The following ERI2 variants were observed in gnomAD, a reference collection of about 807,000 sequenced individuals.
ERI2 encodes the protein ERI1 exoribonuclease 2.
A neutral mutation model predicts 46.8 loss-of-function variants in ERI2; 35 were observed. The observed-to-expected ratio is 0.75, with a 90% CI of 0.57 to 0.99. The LOEUF (loss-of-function observed/expected upper bound fraction) is 0.99, where lower values mean the gene tolerates loss of function less well. Among genes scored for constraint, ERI2 ranks in the 50% least tolerant of loss-of-function variants. The pLI, the probability that ERI2 is intolerant of heterozygous loss-of-function variation, is 0.00. For synonymous variants in ERI2, 224 were observed against 271.0 expected (o/e 0.83, Z 1.70); for missense variants, 695 against 796.2 (o/e 0.87, Z 1.53).
rs946658353 is a variant in ERI2 at position 20,798,042 on chromosome 16, T to A, written c.1758A>T (p.Pro586=). Residue 586 remains proline, a synonymous_variant, in exon 9 of 9, where the codon CCA becomes CCT. Transcript: ENST00000357967. ...ILTSTVNLQE[P]WKSGKMTPPL... ...GAGGTGTCATTTTCCCACTCTTCCATGGCTCTTGTAGGTTAACTGTAGAAG... is the reference window on the plus strand; with the variant it reads ...GAGGTGTCATTTTCCCACTCTTCCAAGGCTCTTGTAGGTTAACTGTAGAAG... The A allele has an allele frequency of 1.3e-6, 2 of 1,551,680 alleles. No homozygotes were observed. The highest frequency in any genetic ancestry group is 2.7e-5 in the African/African-American group (2 of 73,048).
chr16:20,781,108 T>C, intron 10 of ERI2: 1 of 1,614,080 alleles, frequency 6.2e-7, no homozygotes. Flanking sequence ...TTACCCCGTT[T>C]TGAGCCGACT....
rs377118725 is a variant in ERI2, at chr16:20,789,522, T to G, written c.851A>C (p.Asn284Thr). ...ATTCCCCTTTTCCTGTTTACTCATATTGGGCTTCTGAAGTAAGGTTCTGTA... is the reference window on the plus strand; with the variant it reads ...ATTCCCCTTTTCCTGTTTACTCATAGTGGGCTTCTGAAGTAAGGTTCTGTA... Residue 284 changes from asparagine (N) to threonine (T), a missense_variant, in exon 10 of 11, where the codon AAT becomes ACT. Physicochemically the swap from Asn to Thr is moderately conservative, Grantham distance 65. Coordinates refer to the ERI2 transcript ENST00000300005. 9.9e-6 allele frequency: 16 copies of G among 1,613,794 alleles called. No homozygotes were observed. In the African/African-American group the frequency reaches 2.0e-4, roughly 20 times the overall value.
At position 20,796,935 on chromosome 16, in the gene ERI2, G is replaced by A; in HGVS notation, c.*789C>T. 1 of 1,612,906 alleles carries A rather than the reference G, an allele frequency of 6.2e-7. No individual in the cohort carries two copies. Among genetic ancestry groups the A allele is most frequent in the Non-Finnish European group, 8.5e-7 (1 of 1,179,466 alleles). Reference sequence around the variant, plus strand: ...AAGACTATCAGTGGGAAGACAAAAAGAAATGAACTGAGGAAGAAAGAATGG... The same window carrying A: ...AAGACTATCAGTGGGAAGACAAAAAAAAATGAACTGAGGAAGAAAGAATGG... On this transcript the variant is annotated 3_prime_UTR_variant, in exon 9 of 9. Coordinates refer to ENST00000357967, the MANE Select transcript of ERI2 (RefSeq NM_001142725.2).
downstream of ERI2, chr16:20,792,786 T>C: frequency 3.6e-6 from 3 of 826,098 alleles, no homozygotes; most frequent in Non-Finnish European, 4.4e-6. Context: ...CCATAAGCAG[T>C]CTTGGTAGGT....
chr16:20,786,180 A>G, intron 10 of ERI2: 1 of 1,607,674 alleles, frequency 6.2e-7, no homozygotes, highest in South Asian at 1.1e-5. Context: ...CCCTTCCAGG[A>G]GAATGTTTAA....
intron 4 of ERI2, among the ~76,000 whole-genome samples, 182 bp downstream of exon 4, chr16:20,802,614 T>C (rs2080808538): frequency 6.6e-6 from 1 of 151,442 alleles, no homozygotes; most frequent in East Asian, 1.9e-4. Flanking sequence ...GTTCTCACTA[T>C]GTTGTCTAGG....
In ERI2 at chr16:20,797,013, T is replaced by TA; in HGVS notation, c.*710dup. 1 of 1,598,598 alleles carries TA rather than the reference T, an allele frequency of 6.3e-7. No homozygotes were observed. Among genetic ancestry groups the TA allele is most frequent in the African/African-American group, 1.3e-5 (1 of 74,130 alleles). Reference sequence around the variant, plus strand: ...TACCATATCTATAAAACAAACATAGTATCTGTCAATCTCTAGAAACCACAA... The same window carrying TA: ...TACCATATCTATAAAACAAACATAGTAATCTGTCAATCTCTAGAAACCACAA... On this transcript the variant is annotated 3_prime_UTR_variant, in exon 9 of 9. Transcript: ENST00000357967.
rs2080333939 is a variant in ERI2 at position 20,780,746 on chromosome 16, C to T, written c.895-12G>A. ...AGTGACAGCCACACCTGTGTGAAGA[C>T]AAAACACAATGAGATCATGGCCATA... On this transcript the variant is annotated splice_polypyrimidine_tract_variant and intron_variant, in intron 10 of 10. Coordinates refer to the ERI2 transcript ENST00000300005. 4.3e-6 allele frequency: 7 copies of T among 1,614,118 alleles called. No individual in the cohort carries two copies. In the East Asian group the frequency reaches 1.1e-4, roughly 26 times the overall value.
exon 10 of ERI2, chr16:20,789,520 T>A: frequency 6.2e-7 from 1 of 1,613,898 alleles, no homozygotes; most frequent in South Asian, 1.1e-5. Context: ...TGTTTACTCA[T>A]ATTGGGCTTC....
chr16:20,800,278 C>T (rs773079470), intron 6 of ERI2, 24 bp downstream of exon 6: 33 of 1,495,270 alleles, frequency 2.2e-5, no homozygotes, highest in Non-Finnish European at 2.8e-5. Context: ...AAAAAGTAAA[C>T]ATGCCCCCAT....
At chr16:20,789,613 T>C (rs1353056887) in intron 9 of ERI2, 2 of 1,226,298 alleles carry the variant, frequency 1.6e-6, no homozygotes, top group East Asian at 2.3e-5. Flanking sequence ...GAGGAAAAGA[T>C]AATCAAGACC....
At position 20,798,128 on chromosome 16, in the gene ERI2, T is replaced by C; in HGVS notation, c.1672A>G (p.Thr558Ala). 1 of 1,551,532 alleles carries C rather than the reference T, an allele frequency of 6.4e-7. No individual in the cohort carries two copies. The highest frequency in any genetic ancestry group is 8.7e-7 in the Non-Finnish European group (1 of 1,146,902). ...QPFTIHEEKPTSSDCSPVRSS... is the reference protein window; with the variant it reads ...QPFTIHEEKPASSDCSPVRSS... ...CTTACTGGGGAGCAATCAGATGATG[T>C]AGGCTTTTCTTCATGAATAGTGAAG... The change falls in exon 9 of 9, where the codon ACA becomes GCA. Residue 558 changes from threonine (T) to alanine (A), a missense_variant. Physicochemically the swap from Thr to Ala is moderately conservative, Grantham distance 58. Transcript: ENST00000357967.
intron 10 of ERI2, among the ~76,000 whole-genome samples, chr16:20,788,078 C>T (rs886970247): frequency 2.6e-5 from 4 of 152,036 alleles, no homozygotes; most frequent in African/African-American, 9.7e-5. Flanking sequence ...TTTACTTCTC[C>T]CTCACATTCC....
In ERI2 at chr16:20,796,555, C is replaced by T; in HGVS notation, c.*1169G>A. The T allele has an allele frequency of 6.3e-7, 1 of 1,591,430 alleles. No homozygotes were observed. The highest frequency in any genetic ancestry group is 8.5e-7 in the Non-Finnish European group (1 of 1,174,648). On this transcript the variant is annotated 3_prime_UTR_variant, in exon 9 of 9. Transcript: ENST00000357967. Reference sequence around the variant, plus strand: ...GGACAATTTCAAGTGTTTATTTTTACATTTTAATGAATATTTTCTTCACAC... The same window carrying T: ...GGACAATTTCAAGTGTTTATTTTTATATTTTAATGAATATTTTCTTCACAC...
At chr16:20,793,927 C>T (rs17747187), downstream of ERI2, among the ~76,000 whole-genome samples, 11,604 of 152,198 alleles carry the variant, frequency 0.076, 582 homozygotes, top group Non-Finnish European at 0.12. Context: ...GATATCCTAG[C>T]GTACAATATA....
exon 11 of ERI2, chr16:20,780,494 A>C: frequency 1.2e-6 from 1 of 834,112 alleles, no homozygotes; most frequent in Non-Finnish European, 1.8e-6. Context: ...GAAAGCAGCT[A>C]TTATAAATGG....
At position 20,802,907 on chromosome 16, in the gene ERI2, C is replaced by G; in HGVS notation, c.192G>C (p.Val64=). 6.3e-7 allele frequency: 1 copy of G among 1,595,298 alleles called. No homozygotes were observed. Among genetic ancestry groups the G allele is most frequent in the Non-Finnish European group, 8.6e-7 (1 of 1,167,252 alleles). The change falls in exon 4 of 9, where the codon GTG becomes GTC. Residue 64 remains valine, a synonymous_variant. Coordinates refer to ENST00000357967, the MANE Select transcript of ERI2 (RefSeq NM_001142725.2). ...TCTGTCCAGTTGATGTGTTCAGCAACACTGCTGGAAACTCAACTAAATGAA... is the reference window on the plus strand; with the variant it reads ...TCTGTCCAGTTGATGTGTTCAGCAAGACTGCTGGAAACTCAACTAAATGAA... ...HSQEIIEFPA[V]LLNTSTGQID... is the part of the protein sequence containing the mutation.
In ERI2 at chr16:20,796,816, C is replaced by T. The variant is rs1004891555; in HGVS notation, c.*908G>A. ...CTTCCACCTAGAATTCATAATCAAA[C>T]TGCTATATAATTGGCTTTATGTAAA... On this transcript the variant is annotated 3_prime_UTR_variant, in exon 9 of 9. Coordinates refer to ENST00000357967, the MANE Select transcript of ERI2 (RefSeq NM_001142725.2). The T allele has an allele frequency of 1.9e-5, 31 of 1,591,666 alleles. No individual in the cohort carries two copies. Among genetic ancestry groups the T allele is most frequent in the African/African-American group, 8.2e-5 (6 of 73,336 alleles).
intron 10 of ERI2, among the ~76,000 whole-genome samples, chr16:20,785,802 C>T (rs988656435): frequency 6.6e-6 from 1 of 151,970 alleles, no homozygotes. Flanking sequence ...AATTCATTAA[C>T]TAGAAATAGC....
Sources: gnomAD v4.1 joint callset for allele counts (sites outside exome capture counted in the v4.1 genomes callset) on GRCh38, gnomAD v4.1.1 for gene constraint, MANE v1.5 for transcripts, NCBI Gene and HGNC (gene_info 2026-07-23, HGNC 2026-07-21) for gene names.